SMCHD1: variants seen among roughly 807,000 people sequenced by gnomAD.
SMCHD1 encodes the protein structural maintenance of chromosomes flexible hinge domain-containing protein 1.
SMCHD1 carries 78 observed loss-of-function variants against 254.7 expected under a neutral mutation model. The ratio of observed to expected loss-of-function variants is 0.31; its 90% confidence interval spans 0.26 to 0.37. SMCHD1 has a LOEUF of 0.37. Ranked by LOEUF, SMCHD1 falls within the 10% of genes least tolerant of loss-of-function variation. SMCHD1 has a pLI of 1.00. For missense variants in SMCHD1, 1,840 were observed against 2,408.1 expected (o/e 0.76, Z 4.94); for synonymous variants, 766 against 794.9 (o/e 0.96, Z 0.61).
rs144355048 is a variant in SMCHD1 at position 2,750,639 on chromosome 18, C to T, written c.4165+132C>T. The T allele has an allele frequency of 4.3e-4, 284 of 666,926 alleles. No homozygotes were observed. In the African/African-American group the frequency reaches 4.4e-3, roughly 10 times the overall value. The allele number at this position is 666,926 out of a possible 1,614,324, so 41.3% of individuals were successfully genotyped here. A position where few individuals can be genotyped will look rare whatever the true frequency, so the allele number is the denominator to read the frequency against. The stretch of plus-strand genomic sequence containing the variant: ...ACAGGGAAGCAAATGATTTCAATAT[C>T]ATGTTGCAGATGTTAAGTCAATAGG... On this transcript the variant is annotated intron_variant, in intron 32 of 47. Transcript: ENST00000320876.
intron 40 of SMCHD1, 141 bp from the exon 41 acceptor site, chr18:2,772,109 T>C (rs2075995086): frequency 5.2e-6 from 3 of 579,294 alleles, no homozygotes; most frequent in Admixed American, 4.5e-5. Context: ...TATTTTCTGA[T>C]AGTTTTTTTT....
chr18:2,721,152 G>A (rs1036101354), intron 19 of SMCHD1, among the ~76,000 whole-genome samples: 1 of 152,076 alleles, frequency 6.6e-6, no homozygotes, highest in Non-Finnish European at 1.5e-5. Flanking sequence ...GTCTGATAAC[G>A]GTGAATCAGA....
chr18:2,678,477 C>T (rs561694233), intron 5 of SMCHD1, among the ~76,000 whole-genome samples: 20 of 151,982 alleles, frequency 1.3e-4, no homozygotes, highest in African/African-American at 4.1e-4. Flanking sequence ...CCACTACTCC[C>T]GGCTTATTTT....
chr18:2,704,434 CTG>C (rs1216691441), intron 13 of SMCHD1, among the ~76,000 whole-genome samples: 2 of 151,960 alleles, frequency 1.3e-5, no homozygotes, highest in Non-Finnish European at 1.5e-5. Context: ...CACCTTTTGA[CTG>C]TGTGGTGGAG....
intron 14 of SMCHD1, 109 bp downstream of exon 14, chr18:2,705,916 G>C: frequency 1.7e-6 from 1 of 597,772 alleles, no homozygotes; most frequent in South Asian, 2.9e-5. Context: ...TGGATAAAGT[G>C]GTTGTAGTTT....
chr18:2,659,373 C>T (rs965152074), intron 1 of SMCHD1, among the ~76,000 whole-genome samples: 1 of 152,202 alleles, frequency 6.6e-6, no homozygotes, highest in African/African-American at 2.4e-5. Context: ...CTGCCTTGGC[C>T]TCCCAAAGTG....
chr18:2,769,537 G>A (rs2075936326), intron 37 of SMCHD1, among the ~76,000 whole-genome samples, 157 bp from the exon 38 acceptor site: 1 of 152,170 alleles, frequency 6.6e-6, no homozygotes, highest in African/African-American at 2.4e-5. Context: ...TGGTGGTGGT[G>A]ATAATGGTTT....
At chr18:2,662,467 A>G (rs1378119595) in intron 1 of SMCHD1, among the ~76,000 whole-genome samples, 1 of 151,624 alleles carries the variant, frequency 6.6e-6, no homozygotes. Flanking sequence ...CAACGTGGTG[A>G]AACTCTGTCT....
intron 7 of SMCHD1, among the ~76,000 whole-genome samples, chr18:2,693,727 G>T (rs1206999040): frequency 6.6e-6 from 1 of 152,158 alleles, no homozygotes; most frequent in Non-Finnish European, 1.5e-5. Flanking sequence ...AGCCTCCCGG[G>T]CTCAAGCGAT....
In SMCHD1 at chr18:2,747,586, G is replaced by A; in HGVS notation, c.3866G>A (p.Trp1289Ter). The A allele has an allele frequency of 1.2e-6, 2 of 1,610,590 alleles. No individual in the cohort carries two copies. Among genetic ancestry groups the A allele is most frequent in the Non-Finnish European group, 1.7e-6 (2 of 1,177,560 alleles). ...NPIIVQLCDQWDNPAPVQHVK... is the reference protein window; with the variant it reads ...NPIIVQLCDQ ...ATTATTGTTCAACTTTGTGATCAGT[G>A]GGATAATCCAGCACCGGTACAACAT... The change falls in exon 30 of 48, where the codon TGG becomes TAG. Residue 1289 changes from tryptophan (W) to a stop codon, truncating the protein, a stop_gained. Transcript: ENST00000320876. LOFTEE classifies it high-confidence loss of function.
chr18:2,695,953 T>C (rs2074277013), intron 8 of SMCHD1, among the ~76,000 whole-genome samples: 1 of 152,212 alleles, frequency 6.6e-6, no homozygotes, highest in Non-Finnish European at 1.5e-5. Flanking sequence ...TTAGCTATTT[T>C]ATAGTTTATT....
chr18:2,741,605 C>T (rs547002155), intron 28 of SMCHD1, among the ~76,000 whole-genome samples: 10 of 152,206 alleles, frequency 6.6e-5, no homozygotes, highest in African/African-American at 1.4e-4. Flanking sequence ...TTCACTGCTG[C>T]GGAACTTTGA....
chr18:2,793,636 G>A (rs1455982978), intron 45 of SMCHD1, among the ~76,000 whole-genome samples: 1 of 127,936 alleles, frequency 7.8e-6, no homozygotes, highest in Non-Finnish European at 1.6e-5. Context: ...CTGCACTCCA[G>A]CCTGGGCGAG....
intron 17 of SMCHD1, among the ~76,000 whole-genome samples, chr18:2,716,806 A>G (rs1334517977): frequency 6.6e-6 from 1 of 152,220 alleles, no homozygotes; most frequent in Non-Finnish European, 1.5e-5. Context: ...TGCTGCTGGC[A>G]GCAAGCTGAA....
At position 2,692,318 on chromosome 18, in the gene SMCHD1, G is replaced by A. The variant is rs570239874; in HGVS notation, c.874-2209G>A. Among the ~76,000 whole-genome samples the A allele has an allele frequency of 3.3e-5, 5 of 152,286 alleles. 1 individual carries two copies. In the South Asian group the frequency reaches 1.0e-3, roughly 32 times the overall value. On this transcript the variant is annotated intron_variant, in intron 7 of 47. Coordinates refer to ENST00000320876, the MANE Select transcript of SMCHD1 (RefSeq NM_015295.3). ...AATCCTAGCAGTTTGGGAGGCTGCG[G>A]AGGGAGAATCTCTTGAGCCCAGGAG...
chr18:2,661,711 C>T (rs1476610735), intron 1 of SMCHD1, among the ~76,000 whole-genome samples: 1 of 152,078 alleles, frequency 6.6e-6, no homozygotes. Context: ...AACCCGGTTG[C>T]CATTGTTTGA....
chr18:2,688,823 A>G (rs2074109415), intron 7 of SMCHD1, 76 bp downstream of exon 7: 4 of 936,718 alleles, frequency 4.3e-6, no homozygotes, highest in Admixed American at 3.4e-5. Flanking sequence ...ACTTGAAAGT[A>G]TGAAATTTTC....
At chr18:2,791,665 G>T (rs2076168770) in intron 45 of SMCHD1, among the ~76,000 whole-genome samples, 1 of 152,206 alleles carries the variant, frequency 6.6e-6, no homozygotes, top group African/African-American at 2.4e-5. Flanking sequence ...CCCTGTGGTT[G>T]TTTCAGCTTA....
chr18:2,659,751 A>T (rs2073186821), intron 1 of SMCHD1, among the ~76,000 whole-genome samples: 1 of 141,288 alleles, frequency 7.1e-6, no homozygotes, highest in Admixed American at 7.2e-5. Flanking sequence ...TCTACAATAA[A>T]CTTGAGATTT....
Sources: allele counts gnomAD v4.1 joint callset (sites outside exome capture counted in the v4.1 genomes callset), GRCh38; gene constraint gnomAD v4.1.1; transcripts MANE v1.5; gene names NCBI Gene and HGNC (gene_info 2026-07-23, HGNC 2026-07-21).